Variants in DOCK7 observed in about 807,000 individuals in gnomAD.
The protein encoded by DOCK7 is dedicator of cytokinesis 7, also known as dedicator of cytokinesis protein 7.
Under a neutral mutation model 271.0 loss-of-function variants are expected in DOCK7, and 138 were observed. That is an observed-to-expected ratio of 0.51 (90% CI 0.44 to 0.59). The LOEUF is 0.59. DOCK7 is among the 20% of genes least tolerant of loss of function. The probability of loss-of-function intolerance (pLI) is 0.00; values close to 1 mark genes in which losing one functional copy is unlikely to be tolerated. For missense variants in DOCK7, 2,066 were observed against 2,592.4 expected, an observed-to-expected ratio of 0.80 and a Z score of 4.41; for synonymous variants, 823 against 876.1, an observed-to-expected ratio of 0.94 and a Z score of 1.07.
At chr1:62,599,387 T>A (rs1348471643) in intron 14 of DOCK7, among the ~76,000 whole-genome samples, 1 of 151,970 alleles carries the variant, frequency 6.6e-6, no homozygotes, top group Non-Finnish European at 1.5e-5. Flanking sequence ...TGATTTCCCT[T>A]AGGGTCGTTA....
intron 14 of DOCK7, among the ~76,000 whole-genome samples, chr1:62,617,495 ACTGT>A (rs1652592459): frequency 2.0e-5 from 3 of 151,962 alleles, no homozygotes; most frequent in Non-Finnish European, 2.9e-5. Flanking sequence ...AAGATCAGAG[ACTGT>A]CTAATATGGT....
intron 31 of DOCK7, among the ~76,000 whole-genome samples, chr1:62,519,498 CT>C (rs951126743): frequency 6.6e-6 from 1 of 152,134 alleles, no homozygotes; most frequent in Non-Finnish European, 1.5e-5. Flanking sequence ...AAAACAACTT[CT>C]TAAATAGCTC....
intron 31 of DOCK7, among the ~76,000 whole-genome samples, chr1:62,519,605 C>G (rs1483336457): frequency 6.6e-6 from 1 of 152,078 alleles, no homozygotes; most frequent in Non-Finnish European, 1.5e-5. Flanking sequence ...GTTCCCCCAG[C>G]TCACAATTTA....
intron 18 of DOCK7, among the ~76,000 whole-genome samples, chr1:62,562,806 T>A (rs1212656321): frequency 6.6e-6 from 1 of 151,928 alleles, no homozygotes. Flanking sequence ...CCAAAAGAAG[T>A]GGAGAAACAA....
chr1:62,476,347 T>C (rs1302121660), intron 44 of DOCK7, among the ~76,000 whole-genome samples, 191 bp from the exon 45 acceptor site: 1 of 152,148 alleles, frequency 6.6e-6, no homozygotes, highest in Non-Finnish European at 1.5e-5. Context: ...TCGGTCCATA[T>C]TTATTTGACA....
intron 31 of DOCK7, among the ~76,000 whole-genome samples, chr1:62,515,032 C>T (rs1458172477): frequency 1.3e-5 from 2 of 151,402 alleles, no homozygotes; most frequent in South Asian, 2.1e-4. Flanking sequence ...AATCTTCCTT[C>T]TATAGTGGAT....
intron 14 of DOCK7, among the ~76,000 whole-genome samples, chr1:62,593,860 T>C (rs897482022): frequency 4.6e-5 from 7 of 152,076 alleles, no homozygotes; most frequent in Admixed American, 6.6e-5. Flanking sequence ...CAAACTATTG[T>C]AGTTAAAAAG....
intron 34 of DOCK7, 135 bp from the exon 35 acceptor site, chr1:62,508,193 A>C: frequency 1.3e-6 from 1 of 781,526 alleles, no homozygotes. Context: ...CAAGAGAATA[A>C]GAAAAAAGGC....
At chr1:62,561,786 T>A in intron 18 of DOCK7, 83 bp from the exon 19 acceptor site, 1 of 721,042 alleles carries the variant, frequency 1.4e-6, no homozygotes, top group Non-Finnish European at 2.2e-6. Context: ...AATATCCCAA[T>A]GAGAAAAATA....
At chr1:62,535,685 C>T in intron 28 of DOCK7, 53 bp from the exon 29 acceptor site, 2 of 1,540,266 alleles carry the variant, frequency 1.3e-6, no homozygotes, top group Non-Finnish European at 1.8e-6. Context: ...ACAAAGCATC[C>T]TACAGACAGA....
Position 62,654,011 on chromosome 1 carries a change from G to A in DOCK7, c.293C>T (p.Thr98Ile), listed in dbSNP as rs773854351. ...EVVYSPRDCRTLVSAVPEESE... is the reference protein window; with the variant it reads ...EVVYSPRDCRILVSAVPEESE... ...TTCTTCAGGTACAGCTGAAACAAGA[G>A]TTCTGCAGTCCCGAGGACTATAAAC... is the stretch of plus-strand genomic sequence containing the variant. Residue 98 changes from threonine (T) to isoleucine (I), a missense_variant, in exon 3 of 50, where the codon ACT (threonine) becomes ATT (isoleucine). Thr to Ile is a moderately conservative substitution (Grantham distance 89). Around this residue, in one of 2 missense-constraint regions of DOCK7, gnomAD observed 1,414 missense variants for 1,670.4 expected, o/e 0.85. Transcript: ENST00000635253. 6.2e-7 allele frequency: 1 copy of A among 1,613,536 alleles called. No homozygotes were observed.
At chr1:62,501,642 C>G (rs1646787618) in intron 37 of DOCK7, among the ~76,000 whole-genome samples, 1 of 152,050 alleles carries the variant, frequency 6.6e-6, no homozygotes, top group African/African-American at 2.4e-5. Context: ...TATTGTCCCC[C>G]TAATAAATCT....
At chr1:62,588,023 A>C (rs1647825945) in intron 14 of DOCK7, among the ~76,000 whole-genome samples, 1 of 152,138 alleles carries the variant, frequency 6.6e-6, no homozygotes. Flanking sequence ...GACAATAAGC[A>C]CACCAACTAG....
intron 17 of DOCK7, among the ~76,000 whole-genome samples, 157 bp from the exon 18 acceptor site, chr1:62,577,520 T>C (rs1009006537): frequency 1.3e-5 from 2 of 152,224 alleles, no homozygotes; most frequent in African/African-American, 2.4e-5. Flanking sequence ...TAGGCCTTCA[T>C]AATCCCTCTA....
At chr1:62,663,162 A>T in intron 1 of DOCK7, 32 bp from the exon 2 acceptor site, 10 of 1,330,798 alleles carry the variant, frequency 7.5e-6, no homozygotes, top group South Asian at 1.3e-5. Flanking sequence ...CATACGCATT[A>T]TTGAAAAAAA....
chr1:62,576,253 A>G (rs1646938479), intron 18 of DOCK7, among the ~76,000 whole-genome samples: 1 of 152,234 alleles, frequency 6.6e-6, no homozygotes, highest in African/African-American at 2.4e-5. Context: ...AGGAAAAATA[A>G]AGAGATAAAG....
chr1:62,564,000 C>G (rs559639521), intron 18 of DOCK7, among the ~76,000 whole-genome samples: 2 of 150,350 alleles, frequency 1.3e-5, no homozygotes, highest in Non-Finnish European at 3.0e-5. Flanking sequence ...GTAAAGGGAT[C>G]AATGCAATAA....
chr1:62,682,153 G>C (rs574854452), intron 1 of DOCK7, among the ~76,000 whole-genome samples: 1 of 152,164 alleles, frequency 6.6e-6, no homozygotes. Flanking sequence ...GTAAACTAGA[G>C]AACAAGTCAA....
chr1:62,630,658 A>G (rs1295577015), intron 11 of DOCK7, among the ~76,000 whole-genome samples: 1 of 152,190 alleles, frequency 6.6e-6, no homozygotes, highest in Non-Finnish European at 1.5e-5. Context: ...CTACACAGAC[A>G]GTAGCTCCAG....
Sources: gnomAD v4.1 joint callset for allele counts (sites outside exome capture counted in the v4.1 genomes callset) on GRCh38, gnomAD v4.1.1 for gene constraint, gnomAD v4.1.1 regional missense constraint, MANE v1.5 for transcripts, NCBI Gene and HGNC (gene_info 2026-07-23, HGNC 2026-07-21) for gene names.